Variants in ZNF573 observed in about 807,000 individuals in gnomAD.
ZNF573 encodes zinc finger protein 573.
In ZNF573, 41 loss-of-function variants were observed where a neutral mutation model predicts 57.4. The ratio of observed to expected loss-of-function variants is 0.71; its 90% confidence interval spans 0.56 to 0.93. ZNF573 has a LOEUF of 0.93. ZNF573 is among the 40% of genes least tolerant of loss of function. ZNF573 has a pLI of 0.00. For missense variants in ZNF573, 730 were observed against 794.8 expected, an observed-to-expected ratio of 0.92 and a Z score of 0.98; for synonymous variants, 249 against 261.0, an observed-to-expected ratio of 0.95 and a Z score of 0.44.
At chr19:37,744,054 C>T (rs550341482) in intron 4 of ZNF573, among the ~76,000 whole-genome samples, 4 of 150,476 alleles carry the variant, frequency 2.7e-5, no homozygotes, top group South Asian at 2.1e-4. Flanking sequence ...CCACGGCACA[C>T]GTATACCTAT....
chr19:37,765,503 G>A (rs1470693465), intron 4 of ZNF573, among the ~76,000 whole-genome samples: 2 of 152,082 alleles, frequency 1.3e-5, no homozygotes, highest in Non-Finnish European at 2.9e-5. Context: ...GGGAGGTCGG[G>A]AGTTCGAGAC....
At position 37,740,035 on chromosome 19, in the gene ZNF573, T is replaced by C. The variant is rs548944586; in HGVS notation, c.455A>G (p.His152Arg). The change falls in exon 5 of 5, where the codon CAT becomes CGT. Residue 152 changes from histidine (H) to arginine (R), a missense_variant. His to Arg is a conservative substitution (Grantham distance 29, BLOSUM62 0). Coordinates refer to ENST00000536220, the MANE Select transcript of ZNF573 (RefSeq NM_001172690.2). ...KFSSGYQLIL[H>R]HRFHVIERPY... ...TCTCTCAATGACATGAAACCTGTGA[T>C]GTAGAATAAGTTGATAACCACTACT... 6.2e-7 allele frequency: 1 copy of C among 1,614,168 alleles called. No homozygotes were observed. The highest frequency in any genetic ancestry group is 2.2e-5 in the East Asian group (1 of 44,884).
intron 4 of ZNF573, among the ~76,000 whole-genome samples, chr19:37,762,510 G>A (rs537947747): frequency 6.6e-6 from 1 of 152,062 alleles, no homozygotes; most frequent in South Asian, 2.1e-4. Context: ...GCATGAGGAT[G>A]TACTCTTAGG....
At chr19:37,776,176 A>C (rs1457994097) in intron 1 of ZNF573, among the ~76,000 whole-genome samples, 1 of 152,238 alleles carries the variant, frequency 6.6e-6, no homozygotes, top group Non-Finnish European at 1.5e-5. Flanking sequence ...CGCATGGTCA[A>C]AGCAAGACTA....
At chr19:37,749,458 G>T (rs12974225) in intron 4 of ZNF573, among the ~76,000 whole-genome samples, 106,058 of 151,748 alleles carry the variant, frequency 0.7, 38,662 homozygotes, top group Non-Finnish European at 0.82. Flanking sequence ...AATAATAGTA[G>T]GTTTATATCC....
chr19:37,743,944 C>G (rs1473636234), intron 4 of ZNF573, among the ~76,000 whole-genome samples: 1 of 152,068 alleles, frequency 6.6e-6, no homozygotes, highest in Non-Finnish European at 1.5e-5. Flanking sequence ...ACAATGAGAA[C>G]TCATGGACAC....
In ZNF573 at chr19:37,738,916, G is replaced by C. The variant is rs779670343; in HGVS notation, c.1574C>G (p.Pro525Arg). The part of the protein sequence containing the change: ...QHQKIHTGMK[P>R]YECKVCRKTF... ...TTTTCTACATACCTTACATTCATAG[G>C]GTTTCATACCAGTATGAATTTTCTG... Residue 525 changes from proline (P) to arginine (R), a missense_variant, in exon 5 of 5, where the codon CCC (proline) becomes CGC (arginine). Coordinates refer to ENST00000536220, the MANE Select transcript of ZNF573 (RefSeq NM_001172690.2). The C allele has an allele frequency of 5.0e-6, 8 of 1,610,516 alleles. No individual in the cohort carries two copies. Among genetic ancestry groups the C allele is most frequent in the Non-Finnish European group, 6.8e-6 (8 of 1,177,512 alleles).
intron 3 of ZNF573, 50 bp downstream of exon 3, chr19:37,771,514 G>C (rs2145331533): frequency 6.3e-7 from 1 of 1,579,010 alleles, no homozygotes; most frequent in Admixed American, 1.9e-5. Context: ...GTGTTGAAAG[G>C]TAACATATCA....
intron 1 of ZNF573, among the ~76,000 whole-genome samples, chr19:37,777,953 G>T (rs1395140846): frequency 1.3e-5 from 2 of 148,986 alleles, no homozygotes; most frequent in African/African-American, 5.0e-5. Context: ...GAACCCGGGA[G>T]GCAGAGCTTG....
At chr19:37,765,366 G>C (rs2045592140) in intron 4 of ZNF573, among the ~76,000 whole-genome samples, 1 of 152,126 alleles carries the variant, frequency 6.6e-6, no homozygotes, top group Admixed American at 6.6e-5. Context: ...AAACGTACAA[G>C]ATAAGCCTGC....
intron 4 of ZNF573, among the ~76,000 whole-genome samples, chr19:37,749,292 C>T (rs993079885): frequency 4.0e-5 from 6 of 151,612 alleles, no homozygotes; most frequent in African/African-American, 1.4e-4. Context: ...ATACATTATA[C>T]ACATACACAC....
intron 1 of ZNF573, among the ~76,000 whole-genome samples, chr19:37,774,378 T>C (rs1599710356): frequency 6.6e-6 from 1 of 151,852 alleles, no homozygotes; most frequent in East Asian, 1.9e-4. Flanking sequence ...TGGCCTCAGG[T>C]GATTCACCCG....
At chr19:37,776,053 T>A (rs940980614) in intron 1 of ZNF573, among the ~76,000 whole-genome samples, 1 of 152,086 alleles carries the variant, frequency 6.6e-6, no homozygotes, top group Non-Finnish European at 1.5e-5. Context: ...AAAATGACCA[T>A]ACTGCCAAAA....
At chr19:37,778,937 C>T (rs548298410) in intron 1 of ZNF573, among the ~76,000 whole-genome samples, 7 of 152,140 alleles carry the variant, frequency 4.6e-5, no homozygotes, top group Non-Finnish European at 1.0e-4. Context: ...GCTCTCAGAG[C>T]TCACAAAGAA....
chr19:37,758,598 TA>T (rs11339865), intron 4 of ZNF573: 74,747 of 130,878 alleles, frequency 0.57, 21,356 homozygotes, highest in Non-Finnish European at 0.64. Flanking sequence ...AGACTCCATC[TA>T]AAAAAAAAAA....
At chr19:37,776,837 C>T (rs1038704659) in intron 1 of ZNF573, among the ~76,000 whole-genome samples, 4 of 152,056 alleles carry the variant, frequency 2.6e-5, no homozygotes, top group Non-Finnish European at 5.9e-5. Context: ...TATGAATAGA[C>T]AATTCTCAAA....
intron 4 of ZNF573, among the ~76,000 whole-genome samples, chr19:37,763,150 C>G (rs17306795): frequency 0.45 from 68,448 of 151,666 alleles, 17,657 homozygotes; most frequent in Non-Finnish European, 0.6. Flanking sequence ...AGCTCTAGCA[C>G]CTGTGGAAAA....
chr19:37,766,260 A>G (rs2045601108), intron 4 of ZNF573, among the ~76,000 whole-genome samples: 1 of 139,836 alleles, frequency 7.2e-6, no homozygotes, highest in Admixed American at 7.2e-5. Context: ...TCACAGAGAG[A>G]CAACCAGAAG....
intron 4 of ZNF573, among the ~76,000 whole-genome samples, chr19:37,752,816 G>A (rs36092052): frequency 0.15 from 22,918 of 152,030 alleles, 2,081 homozygotes; most frequent in Non-Finnish European, 0.21. Flanking sequence ...TGTACTTTTT[G>A]TAGAGACAGG....
Sources: gnomAD v4.1 joint callset for allele counts (sites outside exome capture counted in the v4.1 genomes callset) on GRCh38, gnomAD v4.1.1 for gene constraint, MANE v1.5 for transcripts, NCBI Gene and HGNC (gene_info 2026-07-23, HGNC 2026-07-21) for gene names.